The following XKR9 variants were observed in gnomAD, a reference collection of about 807,000 sequenced individuals.
The protein encoded by XKR9 is XK-related protein 9.
A neutral mutation model predicts 32.0 loss-of-function variants in XKR9; 32 were observed. The ratio of observed to expected loss-of-function variants is 1.00; its 90% CI spans 0.76 to 1.34. The LOEUF (loss-of-function observed/expected upper bound fraction) is 1.34. XKR9 is among the 40% of genes most tolerant of loss of function. XKR9 has a pLI of 0.00. For synonymous variants in XKR9, 168 were observed against 143.4 expected (o/e 1.17, Z -1.22); for missense variants, 546 against 429.7 (o/e 1.27, Z -2.39).
At chr8:70,957,847 G>A in the XKR9 span, among the ~76,000 whole-genome samples, 2 of 139,960 alleles carry the variant, frequency 1.4e-5, no homozygotes, top group South Asian at 4.5e-4. Context: ...GAGTGCAGTG[G>A]CATGATCTCG....
chr8:70,830,704 G>T, the XKR9 span, among the ~76,000 whole-genome samples: 4 of 152,088 alleles, frequency 2.6e-5, no homozygotes, highest in Non-Finnish European at 5.9e-5. Flanking sequence ...TACGGATATA[G>T]CATACTATAG....
chr8:70,819,585 C>T, the XKR9 span, among the ~76,000 whole-genome samples: 1 of 152,154 alleles, frequency 6.6e-6, no homozygotes, highest in Non-Finnish European at 1.5e-5. Flanking sequence ...CACTTAATAT[C>T]TCTGAGCCTC....
chr8:70,688,897 A>G (rs1318494995), intron 3 of XKR9, among the ~76,000 whole-genome samples: 1 of 152,198 alleles, frequency 6.6e-6, no homozygotes, highest in Non-Finnish European at 1.5e-5. Flanking sequence ...TTAATGTAAA[A>G]TACTATAAAA....
At chr8:70,713,020 A>G (rs1156426873) in intron 4 of XKR9, among the ~76,000 whole-genome samples, 2 of 152,322 alleles carry the variant, frequency 1.3e-5, no homozygotes, top group East Asian at 3.9e-4. Flanking sequence ...TGCAAAGTAT[A>G]AAACAAGTAT....
chr8:70,808,517 C>G, the XKR9 span, among the ~76,000 whole-genome samples: 2 of 152,140 alleles, frequency 1.3e-5, no homozygotes, highest in Non-Finnish European at 2.9e-5. Flanking sequence ...ACCCAGGAAG[C>G]ACAAGGGGTC....
chr8:70,767,496 CTTTT>C (rs34400671), intron 2 of XKR9, among the ~76,000 whole-genome samples: 1 of 99,346 alleles, frequency 1.0e-5, no homozygotes, highest in Admixed American at 1.3e-4. Flanking sequence ...TCTTTTCCTT[CTTTT>C]TTTTTTTTTT....
At chr8:70,818,178 T>C in the XKR9 span, among the ~76,000 whole-genome samples, 1 of 143,574 alleles carries the variant, frequency 7.0e-6, no homozygotes, top group African/African-American at 2.5e-5. Flanking sequence ...TTTGTTGTTG[T>C]TGTTTTTTTG....
chr8:70,985,338 A>G, the XKR9 span, among the ~76,000 whole-genome samples: 30 of 152,060 alleles, frequency 2.0e-4, no homozygotes, highest in Middle Eastern at 3.4e-3. Context: ...AAGGACATGA[A>G]CTCATTCCTT....
chr8:70,697,927 C>T lies in XKR9; in HGVS notation c.273-9006C>T, dbSNP rs866230550. On this transcript the variant is annotated intron_variant, in intron 3 of 4. Transcript: ENST00000408926. ...TTTAGTCTTGGGAGGGTGTATGTGTCGAGGAATTTATCCATTTCTTCTAGA... is the reference window on the plus strand; with the variant it reads ...TTTAGTCTTGGGAGGGTGTATGTGTTGAGGAATTTATCCATTTCTTCTAGA... Among the ~76,000 whole-genome samples the T allele has an allele frequency of 1.4e-3, 219 of 151,678 alleles. 2 individuals carry two copies. The highest frequency in any genetic ancestry group is 4.7e-3 in the African/African-American group (196 of 41,378).
At chr8:70,837,692 G>A in the XKR9 span, among the ~76,000 whole-genome samples, 1 of 152,048 alleles carries the variant, frequency 6.6e-6, no homozygotes, top group Admixed American at 6.6e-5. Flanking sequence ...CTGGTTTGGA[G>A]GCAGCAAGAA....
chr8:70,987,389 A>T, the XKR9 span, among the ~76,000 whole-genome samples: 2 of 152,240 alleles, frequency 1.3e-5, no homozygotes, highest in Non-Finnish European at 2.9e-5. Flanking sequence ...ACACTGGGTA[A>T]ATACAACTGT....
chr8:70,874,883 G>A, the XKR9 span, among the ~76,000 whole-genome samples: 1 of 152,120 alleles, frequency 6.6e-6, no homozygotes, highest in African/African-American at 2.4e-5. Context: ...GGAAGAGCAT[G>A]CCTTTTTTCC....
At chr8:71,037,199 A>C in the XKR9 span, among the ~76,000 whole-genome samples, 1 of 152,230 alleles carries the variant, frequency 6.6e-6, no homozygotes, top group Non-Finnish European at 1.5e-5. Context: ...CTTAATAAAA[A>C]CATATGACAT....
chr8:70,994,543 C>G, the XKR9 span, among the ~76,000 whole-genome samples: 1 of 151,954 alleles, frequency 6.6e-6, no homozygotes, highest in East Asian at 1.9e-4. Context: ...AATATTTTCT[C>G]TTTGCATTTT....
At chr8:70,713,430 A>C (rs1805986010) in intron 4 of XKR9, among the ~76,000 whole-genome samples, 1 of 152,172 alleles carries the variant, frequency 6.6e-6, no homozygotes, top group African/African-American at 2.4e-5. Flanking sequence ...CCACAGATTC[A>C]AGAAGCCCAT....
the XKR9 span, among the ~76,000 whole-genome samples, chr8:70,987,482 G>A: frequency 6.6e-6 from 1 of 152,248 alleles, no homozygotes; most frequent in Non-Finnish European, 1.5e-5. Context: ...AAATCTTAAA[G>A]CTCCAAATGA....
At chr8:70,893,913 G>T in the XKR9 span, among the ~76,000 whole-genome samples, 1 of 152,050 alleles carries the variant, frequency 6.6e-6, no homozygotes, top group East Asian at 1.9e-4. Flanking sequence ...TTCTTGGGGT[G>T]CAAGTTCACT....
At chr8:70,989,726 A>G in the XKR9 span, among the ~76,000 whole-genome samples, 1 of 152,236 alleles carries the variant, frequency 6.6e-6, no homozygotes, top group Non-Finnish European at 1.5e-5. Flanking sequence ...TAAGTTGACA[A>G]TTAAATGACA....
chr8:70,859,827 C>G, the XKR9 span, among the ~76,000 whole-genome samples: 1 of 151,960 alleles, frequency 6.6e-6, no homozygotes, highest in African/African-American at 2.4e-5. Flanking sequence ...CTACCAGAGG[C>G]TAGGAAGGAT....
Sources: gnomAD v4.1 joint callset for allele counts (sites outside exome capture counted in the v4.1 genomes callset) on GRCh38, gnomAD v4.1.1 for gene constraint, MANE v1.5 for transcripts, NCBI Gene and HGNC (gene_info 2026-07-23, HGNC 2026-07-21) for gene names.